Variants in AURKA observed in about 807,000 individuals in gnomAD.
The protein encoded by AURKA is aurora kinase A, also known as aurora 2.
Under a neutral mutation model 40.9 loss-of-function variants are expected in AURKA, and 12 were observed. The ratio of observed to expected loss-of-function variants is 0.29; its 90% CI spans 0.19 to 0.48. The LOEUF (loss-of-function observed/expected upper bound fraction) is 0.48. AURKA is among the 20% of genes least tolerant of loss of function. The pLI is 0.99. For synonymous variants in AURKA, 170 were observed against 164.3 expected, an observed-to-expected ratio of 1.03 and a Z score of -0.26; for missense variants, 322 against 462.1, an observed-to-expected ratio of 0.70 and a Z score of 2.78.
chr20:56,370,144 C>A lies in AURKA; in HGVS notation c.*14G>T, dbSNP rs2146117973. Reference sequence around the variant, plus strand: ...GGCAGCCCTGGCTCAAGGATTTCTCCCCCTGCACGATTCCTAAGACTGTTT... The same window carrying A: ...GGCAGCCCTGGCTCAAGGATTTCTCACCCTGCACGATTCCTAAGACTGTTT... On this transcript the variant is annotated 3_prime_UTR_variant, in exon 9 of 9. Coordinates refer to ENST00000395915, the MANE Select transcript of AURKA (RefSeq NM_198437.3). 1.2e-6 allele frequency: 2 copies of A among 1,612,160 alleles called. No homozygotes were observed. Among genetic ancestry groups the A allele is most frequent in the Non-Finnish European group, 8.5e-7 (1 of 1,179,950 alleles).
chr20:56,382,248 C>T (rs1985811637), intron 5 of AURKA, among the ~76,000 whole-genome samples: 1 of 152,028 alleles, frequency 6.6e-6, no homozygotes, highest in African/African-American at 2.4e-5. Context: ...AAGCAGTGAT[C>T]AGTAATGGCA....
chr20:56,378,102 G>A (rs1312602068), intron 6 of AURKA, among the ~76,000 whole-genome samples: 2 of 152,156 alleles, frequency 1.3e-5, no homozygotes, highest in African/African-American at 4.8e-5. Context: ...GGGAGTTTGA[G>A]GTGGGTGATC....
chr20:56,378,086 G>T (rs6099121), intron 6 of AURKA, among the ~76,000 whole-genome samples: 17,234 of 152,116 alleles, frequency 0.11, 2,366 homozygotes, highest in African/African-American at 0.33. Flanking sequence ...AGGATTGCTT[G>T]AGCCAGGGAG....
intron 4 of AURKA, 34 bp downstream of exon 4, chr20:56,384,236 A>T: frequency 6.5e-7 from 1 of 1,541,200 alleles, no homozygotes. Flanking sequence ...ATTCTAGTAG[A>T]ACAGTACAGA....
chr20:56,381,645 C>G, intron 5 of AURKA, 74 bp from the exon 6 acceptor site: 1 of 1,583,036 alleles, frequency 6.3e-7, no homozygotes, highest in Non-Finnish European at 8.6e-7. Flanking sequence ...GTCAAACAAA[C>G]TCTTCATGTA....
intron 7 of AURKA, among the ~76,000 whole-genome samples, chr20:56,372,533 TA>T (rs10716404): frequency 0.82 from 99,619 of 121,444 alleles, 42,211 homozygotes; most frequent in Non-Finnish European, 0.93. Flanking sequence ...ACAACCAGTT[TA>T]AAAAAAAAAA....
At chr20:56,372,593 A>G (rs1020187028) in intron 7 of AURKA, among the ~76,000 whole-genome samples, 3 of 151,452 alleles carry the variant, frequency 2.0e-5, no homozygotes, top group African/African-American at 7.3e-5. Flanking sequence ...TGGAACAATT[A>G]GAAGTGCTCT....
chr20:56,380,086 G>A (rs766558386), intron 6 of AURKA, among the ~76,000 whole-genome samples: 14 of 151,996 alleles, frequency 9.2e-5, no homozygotes, highest in Non-Finnish European at 1.9e-4. Context: ...GCCGGGCACG[G>A]TGGCTCATGC....
intron 8 of AURKA, 31 bp from the exon 9 acceptor site, chr20:56,370,371 A>G (rs2146122811): frequency 1.2e-6 from 2 of 1,614,098 alleles, no homozygotes; most frequent in Non-Finnish European, 1.7e-6. Context: ...AAATATCACA[A>G]AACACAGGTT....
In AURKA at chr20:56,370,587, C is replaced by T; in HGVS notation, c.927G>A (p.Lys309=). The change falls in exon 8 of 9, where the codon AAG becomes AAA. Residue 309 remains lysine, a synonymous_variant. Transcript: ENST00000395915. ...EMIEGRMHDE[K]VDLWSLGVLC... ...GAACTCCAAGGCTCCAGAGATCCAC[C>T]TTCTCATCATGCATCCGACCTTCAA... The T allele has an allele frequency of 3.1e-6, 5 of 1,614,212 alleles. No homozygotes were observed. The highest frequency in any genetic ancestry group is 4.2e-6 in the Non-Finnish European group (5 of 1,180,040).
intron 3 of AURKA, 89 bp from the exon 4 acceptor site, chr20:56,384,413 C>A: frequency 6.3e-6 from 6 of 949,792 alleles, no homozygotes; most frequent in South Asian, 1.5e-5. Context: ...GAATTGGTCA[C>A]CAAAATATTA....
At chr20:56,386,211 C>T (rs765244666) in intron 3 of AURKA, 46 bp downstream of exon 3, 8 of 1,612,198 alleles carry the variant, frequency 5.0e-6, no homozygotes, top group East Asian at 2.2e-5. Context: ...TTTTTAGCAA[C>T]GACGACAAAG....
In AURKA at chr20:56,384,216, G is replaced by T. The variant is rs530841582; in HGVS notation, c.374+54C>A. The T allele has an allele frequency of 3.4e-6, 5 of 1,460,570 alleles. No individual in the cohort carries two copies. In the South Asian group the frequency reaches 4.8e-5, roughly 14 times the overall value. 90.5% of individuals were successfully genotyped at this position (1,460,570 alleles called of 1,614,324 possible). ...GAGTTCCCACAACGAAATTTGCAAC[G>T]AAATAATATATTCTAGTAGAACAGT... On this transcript the variant is annotated intron_variant, in intron 4 of 8. Transcript: ENST00000395915.
intron 1 of AURKA, among the ~76,000 whole-genome samples, chr20:56,389,082 A>G (rs1363238885): frequency 1.3e-5 from 2 of 152,114 alleles, no homozygotes; most frequent in African/African-American, 4.8e-5. Flanking sequence ...GGTTGATCAC[A>G]TCTTACACTT....
At chr20:56,382,568 T>C (rs1369752477) in intron 5 of AURKA, among the ~76,000 whole-genome samples, 1 of 152,222 alleles carries the variant, frequency 6.6e-6, no homozygotes, top group Non-Finnish European at 1.5e-5. Context: ...CCAGAAAGAC[T>C]TGCCCATATA....
chr20:56,384,301 C>T lies in AURKA; in HGVS notation c.343G>A (p.Ala115Thr), dbSNP rs1463162917. ...APENNPEEEL[A>T]SKQKNEESKK... ...GATTCTTCATTTTTCTGTTTTGATG[C>T]CAGTTCCTCCTCAGGATTATTTTCT... The change falls in exon 4 of 9, where the codon GCA (alanine) becomes ACA (threonine). Residue 115 changes from alanine (A) to threonine (T), a missense_variant. Coordinates refer to ENST00000395915, the MANE Select transcript of AURKA (RefSeq NM_198437.3). 1 of 1,601,896 alleles carries T rather than the reference C, an allele frequency of 6.2e-7. No homozygotes were observed. Among genetic ancestry groups the T allele is most frequent in the Admixed American group, 1.7e-5 (1 of 59,964 alleles).
At chr20:56,381,675 T>G (rs1174809722) in intron 5 of AURKA, 104 bp from the exon 6 acceptor site, 1 of 1,435,948 alleles carries the variant, frequency 7.0e-7, no homozygotes, top group Non-Finnish European at 9.7e-7. Flanking sequence ...GTGTTTCACA[T>G]GAAACCACAC....
intron 6 of AURKA, among the ~76,000 whole-genome samples, chr20:56,378,537 T>A (rs1028039467): frequency 2.0e-5 from 3 of 152,198 alleles, no homozygotes; most frequent in Non-Finnish European, 2.9e-5. Context: ...CCTATATATG[T>A]GCCCAACTAA....
chr20:56,391,483 A>T (rs1798984936), intron 1 of AURKA, among the ~76,000 whole-genome samples: 1 of 152,084 alleles, frequency 6.6e-6, no homozygotes, highest in Non-Finnish European at 1.5e-5. Flanking sequence ...AATCATCTGG[A>T]GAGTTTGTTA....
Sources: allele counts gnomAD v4.1 joint callset (sites outside exome capture counted in the v4.1 genomes callset), GRCh38; gene constraint gnomAD v4.1.1; transcripts MANE v1.5; gene names NCBI Gene and HGNC (gene_info 2026-07-23, HGNC 2026-07-21).